The following SATB2 variants were observed in gnomAD, a reference collection of about 807,000 sequenced individuals.
SATB2 encodes SATB homeobox 2, also known as DNA-binding protein SATB2.
A neutral mutation model predicts 73.4 loss-of-function variants in SATB2; 1 was observed. That is an observed-to-expected ratio of 0.01 (90% CI 0.00 to 0.06). The LOEUF is 0.06. SATB2 is among the 10% of genes least tolerant of loss of function. The pLI is 1.00. For missense variants in SATB2, 459 were observed against 945.8 expected (o/e 0.49, Z 6.75); for synonymous variants, 397 against 367.0 (o/e 1.08, Z -0.93).
chr2:199,328,067 CCTAA>C (rs1294545093), intron 8 of SATB2, among the ~76,000 whole-genome samples: 1 of 152,142 alleles, frequency 6.6e-6, no homozygotes, highest in Non-Finnish European at 1.5e-5. Flanking sequence ...TGCCCTAACT[CCTAA>C]CTGAGCAGCT....
chr2:199,404,446 A>G (rs1446000300), intron 3 of SATB2, among the ~76,000 whole-genome samples: 2 of 152,236 alleles, frequency 1.3e-5, no homozygotes, highest in Non-Finnish European at 2.9e-5. Flanking sequence ...GTTTTAACAT[A>G]CCACGGGGAA....
chr2:199,280,312 G>A (rs530994177), intron 10 of SATB2, among the ~76,000 whole-genome samples: 45 of 152,096 alleles, frequency 3.0e-4, no homozygotes, highest in South Asian at 6.2e-4. Flanking sequence ...GATGTATGTC[G>A]CCTCAGGACC....
chr2:199,334,852 A>G (rs1688290440), intron 7 of SATB2, among the ~76,000 whole-genome samples: 1 of 152,138 alleles, frequency 6.6e-6, no homozygotes, highest in Non-Finnish European at 1.5e-5. Context: ...AGCTGACCCA[A>G]CAAAATCGTT....
upstream of SATB2, among the ~76,000 whole-genome samples, chr2:199,466,135 A>C (rs1340459412): frequency 6.6e-6 from 1 of 152,300 alleles, no homozygotes; most frequent in South Asian, 2.1e-4. Context: ...ACCCGGAGTT[A>C]CTTGGAGACA....
At chr2:199,309,862 C>T (rs146973921) in intron 9 of SATB2, among the ~76,000 whole-genome samples, 3 of 152,236 alleles carry the variant, frequency 2.0e-5, no homozygotes, top group East Asian at 3.9e-4. Flanking sequence ...TGCATAAACA[C>T]GAATGACTTT....
intron 9 of SATB2, among the ~76,000 whole-genome samples, chr2:199,320,203 A>T (rs376256578): frequency 6.6e-6 from 1 of 152,122 alleles, no homozygotes. Flanking sequence ...TACACAGAAA[A>T]CGCTCCATAT....
At chr2:199,467,384 C>T (rs1394503861), upstream of SATB2, 1 of 152,268 alleles carries the variant, frequency 6.6e-6, no homozygotes, top group African/African-American at 2.4e-5. Context: ...AGCTTTTATC[C>T]AACAGCCTCC....
intron 7 of SATB2, among the ~76,000 whole-genome samples, chr2:199,334,577 G>A (rs921745214): frequency 6.6e-6 from 1 of 151,824 alleles, no homozygotes; most frequent in African/African-American, 2.4e-5. Flanking sequence ...AAAAAAAAAG[G>A]TTCCTTCCAA....
chr2:199,411,394 G>C (rs1479100733), intron 3 of SATB2, among the ~76,000 whole-genome samples: 1 of 152,094 alleles, frequency 6.6e-6, no homozygotes, highest in African/African-American at 2.4e-5. Context: ...AAGAGGGAGA[G>C]AGTATTACCA....
rs1691566500 is a variant in SATB2 at position 199,433,532 on chromosome 2, A to C, written c.170-18T>G. 6.2e-7 allele frequency: 1 copy of C among 1,613,022 alleles called. No individual in the cohort carries two copies. Among genetic ancestry groups the C allele is most frequent in the Admixed American group, 1.7e-5 (1 of 60,012 alleles). Reference sequence around the variant, plus strand: ...CATCAAACCTGAAGGGACAAAATTCAAGAGCAAAACACAAACATTAAAAAG... The same window carrying C: ...CATCAAACCTGAAGGGACAAAATTCCAGAGCAAAACACAAACATTAAAAAG... On this transcript the variant is annotated intron_variant, in intron 2 of 10. Transcript: ENST00000417098.
At chr2:199,392,987 T>C (rs1690193466) in intron 3 of SATB2, among the ~76,000 whole-genome samples, 1 of 152,058 alleles carries the variant, frequency 6.6e-6, no homozygotes, top group Non-Finnish European at 1.5e-5. Flanking sequence ...ACACGGCAAG[T>C]CATCTGACAT....
chr2:199,355,350 A>ATATATATC (rs1688948566), intron 6 of SATB2, among the ~76,000 whole-genome samples: 1 of 12,726 alleles, frequency 7.9e-5, no homozygotes, highest in African/African-American at 1.0e-4. Flanking sequence ...GTGTGTATCT[A>ATATATATC]TATATATATA....
At position 199,348,849 on chromosome 2, in the gene SATB2, T is replaced by C; in HGVS notation, c.1025A>G (p.His342Arg). 1 of 1,614,118 alleles carries C rather than the reference T, an allele frequency of 6.2e-7. No individual in the cohort carries two copies. The highest frequency in any genetic ancestry group is 8.5e-7 in the Non-Finnish European group (1 of 1,179,994). The change falls in exon 7 of 11, where the codon CAT (histidine) becomes CGT (arginine). Residue 342 changes from histidine to arginine, a missense_variant. Around this residue, in one of 13 missense-constraint regions of SATB2, gnomAD observed 35 missense variants for 55.3 expected, o/e 0.63. Coordinates refer to ENST00000417098, the MANE Select transcript of SATB2 (RefSeq NM_001172509.2). ...PQAINQQFLN[H>R]PPIPRAVKPE... ...CTTAACTGCTCTGGGGATGGGTGGA[T>C]GGTTCAGGAACTGCTGGTTGATGGC...
chr2:199,411,418 G>A (rs1161268177), intron 3 of SATB2, among the ~76,000 whole-genome samples: 1 of 152,034 alleles, frequency 6.6e-6, no homozygotes, highest in African/African-American at 2.4e-5. Flanking sequence ...AATGACTATT[G>A]CTCTATTTAT....
chr2:199,429,565 A>C (rs987348298), intron 3 of SATB2, among the ~76,000 whole-genome samples: 3 of 152,254 alleles, frequency 2.0e-5, no homozygotes, highest in African/African-American at 7.2e-5. Context: ...ACCTTAAAAA[A>C]AATCCAGTCA....
intron 3 of SATB2, among the ~76,000 whole-genome samples, chr2:199,395,227 C>T (rs1690263220): frequency 1.3e-5 from 2 of 152,074 alleles, no homozygotes. Flanking sequence ...CGTGTTTTAT[C>T]ATAAACACCT....
At chr2:199,285,273 G>A (rs1325074451) in intron 10 of SATB2, among the ~76,000 whole-genome samples, 5 of 152,076 alleles carry the variant, frequency 3.3e-5, no homozygotes, top group African/African-American at 1.2e-4. Context: ...ACTTAGGAAA[G>A]CCTTAGAGAA....
chr2:199,444,308 T>C (rs937991215), intron 2 of SATB2, among the ~76,000 whole-genome samples: 2 of 152,116 alleles, frequency 1.3e-5, no homozygotes, highest in Admixed American at 6.6e-5. Context: ...TTGAGAAGTG[T>C]TATCAAAGCC....
In SATB2 at chr2:199,271,997, C is replaced by G; in HGVS notation, c.*214G>C. The G allele has an allele frequency of 1.7e-6, 1 of 600,102 alleles. No homozygotes were observed. The allele number at this position is 600,102 out of a possible 1,614,324, so 37.2% of individuals were successfully genotyped here. A position where few individuals can be genotyped will look rare whatever the true frequency, so the allele number is the denominator to read the frequency against. On this transcript the variant is annotated 3_prime_UTR_variant, in exon 11 of 11. Transcript: ENST00000417098. ...GTCTTTGCCAAGGCGATGTCTGATT[C>G]GGAAATACTGAACTTATTCAGTCTA... is the stretch of plus-strand genomic sequence containing the variant.
Sources: allele counts gnomAD v4.1 joint callset (sites outside exome capture counted in the v4.1 genomes callset), GRCh38; gene constraint gnomAD v4.1.1; regional missense constraint gnomAD v4.1.1; transcripts MANE v1.5; gene names NCBI Gene and HGNC (gene_info 2026-07-23, HGNC 2026-07-21).